The following CNTLN variants were observed in gnomAD, a reference collection of about 807,000 sequenced individuals.
CNTLN encodes centlein, also known as centlein, centrosomal protein.
Under a neutral mutation model 180.0 loss-of-function variants are expected in CNTLN, and 212 were observed. The observed-to-expected ratio is 1.18, with a 90% CI of 1.05 to 1.32. The LOEUF (loss-of-function observed/expected upper bound fraction) is 1.32. Among genes scored for constraint, CNTLN ranks in the 40% most tolerant of loss-of-function variants. CNTLN has a pLI of 0.00. For synonymous variants in CNTLN, 722 were observed against 563.1 expected, an observed-to-expected ratio of 1.28 and a Z score of -3.99; for missense variants, 2,095 against 1,610.9, an observed-to-expected ratio of 1.30 and a Z score of -5.14.
chr9:17,479,919 A>G (rs1832548076), intron 23 of CNTLN, among the ~76,000 whole-genome samples: 1 of 152,226 alleles, frequency 6.6e-6, no homozygotes, highest in East Asian at 1.9e-4. Flanking sequence ...AAAGATTTAA[A>G]AAATATGGTA....
intron 2 of CNTLN, among the ~76,000 whole-genome samples, chr9:17,184,333 TGTA>T (rs1164196082): frequency 6.6e-6 from 1 of 152,188 alleles, no homozygotes; most frequent in Non-Finnish European, 1.5e-5. Flanking sequence ...AGCACATTTT[TGTA>T]GTACTATTTC....
chr9:17,399,885 T>A (rs2133770828), intron 15 of CNTLN, among the ~76,000 whole-genome samples: 1 of 152,296 alleles, frequency 6.6e-6, no homozygotes, highest in African/African-American at 2.4e-5. Context: ...GTCCCCCAGT[T>A]TACTATGCTT....
At chr9:17,137,955 A>T (rs1379399119) in intron 1 of CNTLN, among the ~76,000 whole-genome samples, 1 of 152,198 alleles carries the variant, frequency 6.6e-6, no homozygotes, top group Non-Finnish European at 1.5e-5. Flanking sequence ...AATAATGCTT[A>T]TATGAAGAAA....
chr9:17,146,006 C>G (rs1012119684), intron 2 of CNTLN, among the ~76,000 whole-genome samples: 3 of 152,140 alleles, frequency 2.0e-5, no homozygotes, highest in Middle Eastern at 3.4e-3. Flanking sequence ...GTAATGCTAC[C>G]AAGGAGCCCA....
intron 12 of CNTLN, among the ~76,000 whole-genome samples, chr9:17,348,197 A>G (rs971307152): frequency 6.6e-6 from 1 of 152,104 alleles, no homozygotes; most frequent in Admixed American, 6.5e-5. Flanking sequence ...GGAAAAGATC[A>G]GAATTCAAAA....
chr9:17,456,904 T>C (rs1002266595), intron 18 of CNTLN, among the ~76,000 whole-genome samples: 2 of 152,254 alleles, frequency 1.3e-5, no homozygotes, highest in African/African-American at 4.8e-5. Flanking sequence ...GTTTATGCTA[T>C]TAAAAATTCA....
Position 17,289,751 on chromosome 9 carries a change from C to T in CNTLN, c.984-8439C>T, listed in dbSNP as rs1466094561. ...CTAACCTTCCCTTCTCACTTCATTT[C>T]ATTCATTTCATCTTCCATTGCTGAT... is the stretch of plus-strand genomic sequence containing the variant. On this transcript the variant is annotated intron_variant, in intron 6 of 25. Transcript: ENST00000380647. Among the ~76,000 whole-genome samples the T allele has an allele frequency of 4.2e-5, 6 of 144,196 alleles. No individual in the cohort carries two copies. In the East Asian group the frequency reaches 1.2e-3, roughly 29 times the overall value. 94.6% of individuals were successfully genotyped at this position (144,196 alleles called of 152,430 possible).
intron 1 of CNTLN, among the ~76,000 whole-genome samples, chr9:17,139,298 G>A (rs1043349981): frequency 3.7e-4 from 56 of 151,818 alleles, no homozygotes; most frequent in Non-Finnish European, 1.2e-4. Context: ...GTGTTGGTCA[G>A]GCTGGTCTCA....
chr9:17,394,896 G>A lies in CNTLN; in HGVS notation c.2442G>A (p.Val814=), dbSNP rs1564066867. 2 of 1,614,068 alleles carry A rather than the reference G, an allele frequency of 1.2e-6. No individual in the cohort carries two copies. Among genetic ancestry groups the A allele is most frequent in the East Asian group, 2.2e-5 (1 of 44,872 alleles). The change falls in exon 15 of 26, where the codon GTG becomes GTA. Residue 814 remains valine, a synonymous_variant. Transcript: ENST00000380647. ...RAKSEMATMK[V]RSGRYDCKTT... Reference sequence around the variant, plus strand: ...AATCCGAGATGGCCACCATGAAAGTGAGATCTGGACGATATGATTGTAAGA... The same window carrying A: ...AATCCGAGATGGCCACCATGAAAGTAAGATCTGGACGATATGATTGTAAGA...
At chr9:17,459,869 C>T (rs1011439043) in intron 19 of CNTLN, among the ~76,000 whole-genome samples, 13 of 151,634 alleles carry the variant, frequency 8.6e-5, no homozygotes, top group African/African-American at 3.1e-4. Flanking sequence ...GCCTTATCTC[C>T]AAATACAGTC....
intron 13 of CNTLN, among the ~76,000 whole-genome samples, chr9:17,367,814 G>C (rs1362688905): frequency 1.3e-5 from 2 of 152,070 alleles, no homozygotes; most frequent in African/African-American, 4.8e-5. Flanking sequence ...ACTGACTGAA[G>C]AGCCCTTGGG....
At chr9:17,495,466 A>G (rs1296353351) in intron 25 of CNTLN, among the ~76,000 whole-genome samples, 1 of 152,088 alleles carries the variant, frequency 6.6e-6, no homozygotes, top group Non-Finnish European at 1.5e-5. Context: ...GTTTAAAAAT[A>G]AAAAAATACA....
At chr9:17,415,072 C>A in intron 16 of CNTLN, among the ~76,000 whole-genome samples, 1 of 151,500 alleles carries the variant, frequency 6.6e-6, no homozygotes, top group African/African-American at 2.4e-5. Context: ...AGTGACAAAG[C>A]CAAACTCTGT....
chr9:17,521,265 A>AGAGAGAGAGAGAGAGAG, the CNTLN span, among the ~76,000 whole-genome samples: 27 of 118,608 alleles, frequency 2.3e-4, 1 homozygote, highest in African/African-American at 7.8e-4. Context: ...AAGGGAGAAA[A>AGAGAGAGAGAGAGAGAG]AGAGAGAGAG....
At chr9:17,307,352 T>C (rs1318903065) in intron 7 of CNTLN, among the ~76,000 whole-genome samples, 2 of 152,140 alleles carry the variant, frequency 1.3e-5, no homozygotes, top group African/African-American at 2.4e-5. Context: ...CACTGCAGCC[T>C]CGACCTCCTG....
chr9:17,274,899 G>C (rs1196876885), intron 6 of CNTLN, among the ~76,000 whole-genome samples: 3 of 152,042 alleles, frequency 2.0e-5, no homozygotes, highest in African/African-American at 4.8e-5. Context: ...GATGAAAACT[G>C]TTTACCATTA....
chr9:17,252,905 C>T (rs1826241024), intron 5 of CNTLN, among the ~76,000 whole-genome samples: 1 of 151,628 alleles, frequency 6.6e-6, no homozygotes, highest in African/African-American at 2.4e-5. Context: ...CCATGTATTA[C>T]AATTAAGCCT....
At chr9:17,497,325 G>A (rs1297651826) in intron 25 of CNTLN, among the ~76,000 whole-genome samples, 1 of 152,160 alleles carries the variant, frequency 6.6e-6, no homozygotes, top group Non-Finnish European at 1.5e-5. Context: ...ACAGGAACCA[G>A]ACAAGAAGCC....
At chr9:17,239,180 G>A (rs886406015) in intron 5 of CNTLN, among the ~76,000 whole-genome samples, 4 of 152,028 alleles carry the variant, frequency 2.6e-5, no homozygotes, top group African/African-American at 9.7e-5. Context: ...CTACAGGCGC[G>A]TGCCACCACA....
Sources: gnomAD v4.1 joint callset for allele counts (sites outside exome capture counted in the v4.1 genomes callset) on GRCh38, gnomAD v4.1.1 for gene constraint, MANE v1.5 for transcripts, NCBI Gene and HGNC (gene_info 2026-07-23, HGNC 2026-07-21) for gene names.